Variants in COBL observed in about 807,000 individuals in gnomAD.
COBL encodes cordon-bleu WH2 repeat protein, also known as protein cordon-bleu.
Under a neutral mutation model 98.8 loss-of-function variants are expected in COBL, and 51 were observed. The ratio of observed to expected loss-of-function variants is 0.52; its 90% CI spans 0.41 to 0.65. The LOEUF (loss-of-function observed/expected upper bound fraction) is 0.65, where lower values mean the gene tolerates loss of function less well. Ranked by LOEUF, COBL falls within the 30% of genes least tolerant of loss-of-function variation. The pLI is 0.00. For synonymous variants in COBL, 634 were observed against 651.7 expected (o/e 0.97, Z 0.41); for missense variants, 1,617 against 1,617.5 (o/e 1.00, Z 0.01).
intron 1 of COBL, among the ~76,000 whole-genome samples, chr7:51,278,719 G>A (rs998924968): frequency 2.0e-5 from 3 of 152,134 alleles, no homozygotes; most frequent in Non-Finnish European, 2.9e-5. Context: ...TCCAGGCAGT[G>A]ATAGACCAGC....
chr7:51,027,624 C>A, intron 10 of COBL, 88 bp downstream of exon 10: 1 of 1,139,718 alleles, frequency 8.8e-7, no homozygotes. Flanking sequence ...CCGTCTCTCT[C>A]TCTCCTCCGC....
chr7:51,020,136 G>T (rs1312291429), intron 12 of COBL, among the ~76,000 whole-genome samples: 1 of 152,214 alleles, frequency 6.6e-6, no homozygotes, highest in Admixed American at 6.5e-5. Context: ...AGCTGATAAG[G>T]TGTCTGGGCC....
At chr7:51,255,699 G>GCTCC in intron 1 of COBL, among the ~76,000 whole-genome samples, 1 of 152,336 alleles carries the variant, frequency 6.6e-6, no homozygotes, top group Admixed American at 6.5e-5. Context: ...GCTTAGGGTA[G>GCTCC]AGAGCAGAGA....
At chr7:51,146,169 T>C (rs1421867754) in intron 5 of COBL, among the ~76,000 whole-genome samples, 1 of 152,258 alleles carries the variant, frequency 6.6e-6, no homozygotes, top group African/African-American at 2.4e-5. Flanking sequence ...TCCATCCTTC[T>C]GTCTTCTTCA....
intron 6 of COBL, among the ~76,000 whole-genome samples, chr7:51,087,489 T>C (rs909137470): frequency 1.3e-5 from 2 of 152,080 alleles, no homozygotes; most frequent in Admixed American, 1.3e-4. Context: ...TGGGGTTTTT[T>C]TGGTTGTTGT....
intron 6 of COBL, among the ~76,000 whole-genome samples, chr7:51,126,339 T>C (rs748425470): frequency 5.3e-5 from 8 of 151,322 alleles, no homozygotes; most frequent in Non-Finnish European, 1.0e-4. Context: ...AAAAAAAAAG[T>C]GTTCAGAGAC....
At chr7:51,157,557 G>A (rs969461226) in intron 5 of COBL, among the ~76,000 whole-genome samples, 36 of 152,162 alleles carry the variant, frequency 2.4e-4, no homozygotes, top group Non-Finnish European at 1.2e-4. Context: ...TTGGAGAGGC[G>A]AGTGTCTATG....
intron 12 of COBL, among the ~76,000 whole-genome samples, chr7:51,024,304 G>A (rs909146020): frequency 2.6e-5 from 4 of 151,124 alleles, no homozygotes; most frequent in Admixed American, 1.3e-4. Context: ...GTGAGACTCC[G>A]TCTCAGATAA....
At chr7:51,144,278 AG>A (rs1308950157) in intron 5 of COBL, among the ~76,000 whole-genome samples, 1 of 152,202 alleles carries the variant, frequency 6.6e-6, no homozygotes, top group East Asian at 1.9e-4. Flanking sequence ...CTCTATAGGA[AG>A]GTAATTACAT....
At chr7:51,177,779 T>A (rs572235520) in intron 5 of COBL, among the ~76,000 whole-genome samples, 3,128 of 23,028 alleles carry the variant, frequency 0.14, 98 homozygotes, top group African/African-American at 0.27. Context: ...CTCAAAAAAA[T>A]AAATAAATAA....
At chr7:51,224,390 C>T (rs563518054) in intron 1 of COBL, among the ~76,000 whole-genome samples, 11 of 146,270 alleles carry the variant, frequency 7.5e-5, no homozygotes, top group Admixed American at 6.8e-4. Context: ...AATAAATGTT[C>T]CAAACGAGCC....
chr7:51,268,789 G>A (rs1242926999), intron 1 of COBL, among the ~76,000 whole-genome samples: 1 of 152,062 alleles, frequency 6.6e-6, no homozygotes, highest in Non-Finnish European at 1.5e-5. Context: ...AATTAGCCAG[G>A]CATGGTGGCA....
chr7:51,135,713 T>C (rs1328826963), intron 6 of COBL, among the ~76,000 whole-genome samples: 12 of 152,168 alleles, frequency 7.9e-5, no homozygotes, highest in East Asian at 1.9e-4. Context: ...ACATGACACA[T>C]GCGGCAAGAG....
intron 7 of COBL, among the ~76,000 whole-genome samples, chr7:51,064,219 TGTGGG>T (rs1380006526): frequency 6.6e-6 from 1 of 152,150 alleles, no homozygotes; most frequent in African/African-American, 2.4e-5. Context: ...ATGTGGCTGA[TGTGGG>T]GTAAGTGAGC....
rs375366223 is a variant in COBL, at chr7:51,136,226, T to C, written c.889A>G (p.Met297Val). Reference protein sequence around the residue: ...SISGVSVKSEMKKRRAPPPPG... With the variant: ...SISGVSVKSEVKKRRAPPPPG... ...GGAGGAGGGGCTCGGCGCTTCTTCA[T>C]CTCCGACTTCACGGACACCCCTGAG... Residue 297 changes from methionine (M) to valine (V), a missense_variant, in exon 6 of 13, where the codon ATG becomes GTG. This residue lies in a region of COBL where 1,304 missense variants were observed against 1,282.0 expected (regional missense o/e 1.02). Coordinates refer to ENST00000265136, the MANE Select transcript of COBL (RefSeq NM_015198.5). The C allele has an allele frequency of 7.2e-5, 116 of 1,613,440 alleles. No homozygotes were observed. The highest frequency in any genetic ancestry group is 1.8e-4 in the Middle Eastern group (1 of 5,664).
intron 1 of COBL, among the ~76,000 whole-genome samples, chr7:51,224,468 C>G (rs1793986664): frequency 6.6e-6 from 1 of 151,836 alleles, no homozygotes; most frequent in Admixed American, 6.6e-5. Context: ...ACACCCTAGC[C>G]GAGGTGGCCT....
At chr7:51,273,961 T>A (rs1799037321) in intron 1 of COBL, among the ~76,000 whole-genome samples, 1 of 152,144 alleles carries the variant, frequency 6.6e-6, no homozygotes, top group Admixed American at 6.5e-5. Context: ...TGGGTCCCCC[T>A]CACCCATCAA....
chr7:51,233,345 C>T (rs893335478), intron 1 of COBL, among the ~76,000 whole-genome samples: 3 of 152,094 alleles, frequency 2.0e-5, no homozygotes, highest in Admixed American at 6.5e-5. Flanking sequence ...AAACGCCAGA[C>T]CTAGAAGGCA....
intron 7 of COBL, among the ~76,000 whole-genome samples, chr7:51,062,267 G>GTCTCTCTCTCTC (rs146409423): frequency 1.3e-5 from 2 of 149,060 alleles, no homozygotes; most frequent in Non-Finnish European, 3.0e-5. Context: ...AACAGTTCAT[G>GTCTCTCTCTCTC]TCTCTCTCTC....
Sources: allele counts gnomAD v4.1 joint callset (sites outside exome capture counted in the v4.1 genomes callset), GRCh38; gene constraint gnomAD v4.1.1; regional missense constraint gnomAD v4.1.1; transcripts MANE v1.5; gene names NCBI Gene and HGNC (gene_info 2026-07-23, HGNC 2026-07-21).